The following RPN2 variants were observed in gnomAD, a reference collection of about 807,000 sequenced individuals.
RPN2 encodes the protein dolichyl-diphosphooligosaccharide--protein glycosyltransferase subunit 2.
A neutral mutation model predicts 71.4 loss-of-function variants in RPN2; 29 were observed. The observed-to-expected ratio is 0.41, with a 90% CI of 0.30 to 0.55. The LOEUF (loss-of-function observed/expected upper bound fraction) is 0.55. Among genes scored for constraint, RPN2 ranks in the 20% least tolerant of loss-of-function variants. The probability of loss-of-function intolerance (pLI) is 0.35; values close to 1 mark genes in which losing one functional copy is unlikely to be tolerated. For synonymous variants in RPN2, 308 were observed against 305.0 expected (o/e 1.01, Z -0.10); for missense variants, 726 against 774.1 (o/e 0.94, Z 0.74).
rs1050288705 is a variant in RPN2, at chr20:37,232,412, TG to T, written c.1677+24del. 1.1e-5 allele frequency: 17 copies of T among 1,613,708 alleles called. No homozygotes were observed. The Admixed American group carries it at 2.2e-4, about 21-fold the overall frequency. On this transcript the variant is annotated intron_variant, in intron 14 of 16. Coordinates refer to ENST00000237530, the MANE Select transcript of RPN2 (RefSeq NM_002951.5). ...CTCTGGTGAGTGGCTGTAATTAGCG[TG>T]GGCAGCATGCGTCTGGCGCCAGACC...
At chr20:37,204,162 A>G (rs1446314011) in intron 5 of RPN2, among the ~76,000 whole-genome samples, 1 of 152,090 alleles carries the variant, frequency 6.6e-6, no homozygotes, top group Non-Finnish European at 1.5e-5. Context: ...GGACGTGGTG[A>G]CTGTGGTTTT....
Position 37,184,200 on chromosome 20 carries a change from T to C in RPN2, c.34T>C (p.Leu12=). Residue 12 remains leucine (L), a synonymous_variant, in exon 2 of 17, where the codon TTG becomes CTG. Transcript: ENST00000237530. ...CCAAGGTTCAAGCACTGTCTTCCTG[T>C]TGGCCCTGACAATCATAGCCAGCAC... is the stretch of plus-strand genomic sequence containing the variant. ...APPGSSTVFL[L]ALTIIASTWA... 3 of 1,614,222 alleles carry C rather than the reference T, an allele frequency of 1.9e-6. No homozygotes were observed. The South Asian group carries it at 3.3e-5, about 18-fold the overall frequency.
Position 37,210,077 on chromosome 20 carries a change from C to G in RPN2, c.898C>G (p.Leu300Val). 1 of 1,614,174 alleles carries G rather than the reference C, an allele frequency of 6.2e-7. No homozygotes were observed. The highest frequency in any genetic ancestry group is 1.3e-5 in the African/African-American group (1 of 75,062). Reference sequence around the variant, plus strand: ...AGTCACCAATGTTCTGTCTCAGCCTCTGACTCAGGCCACTGTTAAACTAGA... The same window carrying G: ...AGTCACCAATGTTCTGTCTCAGCCTGTGACTCAGGCCACTGTTAAACTAGA... ...LQVTNVLSQP[L>V]TQATVKLEHA... The change falls in exon 8 of 17, where the codon CTG becomes GTG. Residue 300 changes from leucine to valine, a missense_variant. By Grantham distance (32) the Leu-to-Val change is conservative. Transcript: ENST00000237530.
chr20:37,227,948 T>C (rs2068121297), intron 11 of RPN2, among the ~76,000 whole-genome samples: 1 of 152,254 alleles, frequency 6.6e-6, no homozygotes, highest in African/African-American at 2.4e-5. Context: ...AGTTAATTTT[T>C]CTGCCTTAAA....
At chr20:37,192,201 A>G (rs183515002) in intron 2 of RPN2, among the ~76,000 whole-genome samples, 73 of 152,356 alleles carry the variant, frequency 4.8e-4, no homozygotes, top group Non-Finnish European at 9.0e-4. Flanking sequence ...TGCCTGGCAC[A>G]TGATGAGTGC....
In RPN2 at chr20:37,195,140, A is replaced by G. The variant is rs2067227117; in HGVS notation, c.208-3257A>G. ...TTTTCAGCCTTCAGTCGGGAAGATGAGTCTAGAACGTTGGAGGGCAGCTGG... is the reference window on the plus strand; with the variant it reads ...TTTTCAGCCTTCAGTCGGGAAGATGGGTCTAGAACGTTGGAGGGCAGCTGG... On this transcript the variant is annotated intron_variant, in intron 2 of 16. Coordinates refer to ENST00000237530, the MANE Select transcript of RPN2 (RefSeq NM_002951.5). Among the ~76,000 whole-genome samples the G allele has an allele frequency of 2.0e-5, 3 of 152,062 alleles. No homozygotes were observed. In the South Asian group the frequency reaches 6.2e-4, roughly 32 times the overall value.
Position 37,241,517 on chromosome 20 carries a change from G to A in RPN2, c.*202G>A. ...GTGAGCTCAGATAGTCTCTTTCTCT[G>A]ACACTGTGTAAGAAGCTGTGAATAT... On this transcript the variant is annotated 3_prime_UTR_variant, in exon 17 of 17. Transcript: ENST00000237530. The A allele has an allele frequency of 1.6e-6, 1 of 644,406 alleles. No homozygotes were observed. Among genetic ancestry groups the A allele is most frequent in the Non-Finnish European group, 2.8e-6 (1 of 362,650 alleles). The allele number at this position is 644,406 out of a possible 1,614,324, so 39.9% of individuals were successfully genotyped here. A position where few individuals can be genotyped will look rare whatever the true frequency, so the allele number is the denominator to read the frequency against.
Position 37,232,362 on chromosome 20 carries a change from C to G in RPN2, c.1648C>G (p.Leu550Val). The G allele has an allele frequency of 6.2e-7, 1 of 1,614,204 alleles. No homozygotes were observed. Among genetic ancestry groups the G allele is most frequent in the Non-Finnish European group, 8.5e-7 (1 of 1,180,034 alleles). The change falls in exon 14 of 17, where the codon CTC becomes GTC. Residue 550 changes from leucine to valine, a missense_variant. By Grantham distance (32) the Leu-to-Val change is conservative. Transcript: ENST00000237530. ...GTCCAATACATTCACTGCCCTGATCCTCTCGCCGTTGCTTCTGCTCTTCGC... is the reference window on the plus strand; with the variant it reads ...GTCCAATACATTCACTGCCCTGATCGTCTCGCCGTTGCTTCTGCTCTTCGC... ...VVSNTFTALI[L>V]SPLLLLFALW...
chr20:37,228,625 T>C lies in RPN2; in HGVS notation c.1375T>C (p.Tyr459His). The C allele has an allele frequency of 6.2e-7, 1 of 1,614,244 alleles. No homozygotes were observed. ...TGCCGAGCCAGACAACAAGAACGTG[T>C]ACAAGTTTGAACTGGATACCTCTGA... is the stretch of plus-strand genomic sequence containing the variant. The part of the protein sequence containing the change: ...FVAEPDNKNV[Y>H]KFELDTSERK... Residue 459 changes from tyrosine (Y) to histidine (H), a missense_variant, in exon 12 of 17, where the codon TAC becomes CAC. Transcript: ENST00000237530.
rs1054054206 is a variant in RPN2, at chr20:37,216,741, C to T, written c.1092+2876C>T. Among the ~76,000 whole-genome samples, 9 of 152,258 alleles carry T rather than the reference C, an allele frequency of 5.9e-5. No homozygotes were observed. In the South Asian group the frequency reaches 1.5e-3, roughly 25 times the overall value. On this transcript the variant is annotated intron_variant, in intron 9 of 16. Coordinates refer to ENST00000237530, the MANE Select transcript of RPN2 (RefSeq NM_002951.5). ...CCCACCGACGTGTTGGGATTACAGT[C>T]GTGAGCCACTGCACCTGGCCCTCCA... is the stretch of plus-strand genomic sequence containing the variant.
At chr20:37,195,966 A>G (rs1206180628) in intron 2 of RPN2, among the ~76,000 whole-genome samples, 1 of 152,168 alleles carries the variant, frequency 6.6e-6, no homozygotes, top group Non-Finnish European at 1.5e-5. Context: ...GCATGTACAC[A>G]CAGTAAAACA....
chr20:37,185,164 GA>G (rs2066980364), intron 2 of RPN2, among the ~76,000 whole-genome samples: 1 of 140,352 alleles, frequency 7.1e-6, no homozygotes, highest in Admixed American at 7.3e-5. Context: ...TTTTTTTTGA[GA>G]CAGAGTCTGG....
intron 1 of RPN2, among the ~76,000 whole-genome samples, 189 bp from the exon 2 acceptor site, chr20:37,183,991 G>A (rs1382101163): frequency 6.6e-6 from 1 of 152,188 alleles, no homozygotes; most frequent in Non-Finnish European, 1.5e-5. Context: ...CTGCTGGGAG[G>A]ACTGTCCTTC....
At chr20:37,209,116 C>G (rs1358417967) in intron 7 of RPN2, among the ~76,000 whole-genome samples, 1 of 152,180 alleles carries the variant, frequency 6.6e-6, no homozygotes, top group African/African-American at 2.4e-5. Flanking sequence ...CTTTAGCAGT[C>G]CCTTAACCTC....
At chr20:37,216,060 C>G (rs1396931843) in intron 9 of RPN2, among the ~76,000 whole-genome samples, 1 of 152,120 alleles carries the variant, frequency 6.6e-6, no homozygotes. Flanking sequence ...TTCCTAGGGC[C>G]AGGTGAGGTG....
intron 1 of RPN2, 184 bp downstream of exon 1, chr20:37,179,553 G>A (rs2066789444): frequency 1.5e-6 from 2 of 1,377,582 alleles, no homozygotes; most frequent in Non-Finnish European, 1.9e-6. Context: ...GGGAGTGCCC[G>A]CGACCTGGCG....
rs1268368067 is a variant in RPN2 at position 37,240,371 on chromosome 20, G to A, written c.1884-932G>A. 2.0e-5 allele frequency among the ~76,000 whole-genome samples: 3 copies of A among 152,164 alleles called. No homozygotes were observed. In the East Asian group the frequency reaches 5.8e-4, roughly 29 times the overall value. On this transcript the variant is annotated intron_variant, in intron 16 of 16. Coordinates refer to ENST00000237530, the MANE Select transcript of RPN2 (RefSeq NM_002951.5). ...TGTACCTAAGAACCTCTGAATACTG[G>A]CAAGGAATTAGGGGTGCACACCCCA...
At chr20:37,191,377 G>A (rs2067136471) in intron 2 of RPN2, among the ~76,000 whole-genome samples, 1 of 150,024 alleles carries the variant, frequency 6.7e-6, no homozygotes, top group Admixed American at 6.7e-5. Context: ...TCGGGAGGCC[G>A]AGGCAGGAGA....
At chr20:37,203,828 G>T in intron 4 of RPN2, 57 bp from the exon 5 acceptor site, 1 of 1,175,016 alleles carries the variant, frequency 8.5e-7, no homozygotes, top group Non-Finnish European at 1.3e-6. Flanking sequence ...TACGGGAAGG[G>T]GTGAGTGGAT....
Sources: gnomAD v4.1 joint callset for allele counts (sites outside exome capture counted in the v4.1 genomes callset) on GRCh38, gnomAD v4.1.1 for gene constraint, MANE v1.5 for transcripts, NCBI Gene and HGNC (gene_info 2026-07-23, HGNC 2026-07-21) for gene names.